CCDC141: variants seen among roughly 807,000 people sequenced by gnomAD.
CCDC141 encodes coiled-coil domain-containing protein 141.
A neutral mutation model predicts 181.0 loss-of-function variants in CCDC141; 168 were observed. The observed-to-expected ratio is 0.93, with a 90% CI of 0.82 to 1.05. CCDC141 has a LOEUF of 1.05. Ranked by LOEUF, CCDC141 falls within the 50% of genes least tolerant of loss-of-function variation. The pLI, the probability that CCDC141 is intolerant of heterozygous loss-of-function variation, is 0.00. For missense variants in CCDC141, 1,902 were observed against 1,788.5 expected, an observed-to-expected ratio of 1.06 and a Z score of -1.14; for synonymous variants, 666 against 642.3, an observed-to-expected ratio of 1.04 and a Z score of -0.56.
rs1351176158 is a variant in CCDC141, at chr2:178,905,333, A to T, written c.1261T>A (p.Cys421Ser). Residue 421 changes from cysteine to serine, a missense_variant, in exon 8 of 24, where the codon TGC becomes AGC. Coordinates refer to ENST00000443758, the MANE Select transcript of CCDC141 (RefSeq NM_173648.4). ...AAAGAAATCAACTTTACTCACCTGC[A>T]GGAGTCTACTTGGCTGATTAAGGTT... ...GQTLISQVDS[C>S]SSQVSGIHEM... is the part of the protein sequence containing the mutation. 4 of 1,546,612 alleles carry T rather than the reference A, an allele frequency of 2.6e-6. No homozygotes were observed. The Admixed American group carries it at 8.0e-5, about 31-fold the overall frequency.
At chr2:178,829,443 T>C (rs896435695), downstream of CCDC141, among the ~76,000 whole-genome samples, 1 of 152,202 alleles carries the variant, frequency 6.6e-6, no homozygotes, top group African/African-American at 2.4e-5. Context: ...GCACTGATGC[T>C]CAGATGGTTC....
rs191398458 is a variant in CCDC141, at chr2:178,967,686, C to T, written c.527-6203G>A. 2.3e-4 allele frequency among the ~76,000 whole-genome samples: 35 copies of T among 152,206 alleles called. No homozygotes were observed. The East Asian group carries it at 5.0e-3, about 22-fold the overall frequency. Reference sequence around the variant, plus strand: ...ACTACGAAGAAACTGCATCAACTAACGGGCAAAACAACCAGCTAGCATCAT... The same window carrying T: ...ACTACGAAGAAACTGCATCAACTAATGGGCAAAACAACCAGCTAGCATCAT... On this transcript the variant is annotated intron_variant, in intron 4 of 23. Transcript: ENST00000443758.
At chr2:178,859,504 G>C (rs1311769962) in intron 17 of CCDC141, among the ~76,000 whole-genome samples, 4 of 151,996 alleles carry the variant, frequency 2.6e-5, no homozygotes, top group Admixed American at 6.6e-5. Flanking sequence ...CATAAGTGGA[G>C]AAAAACACCC....
intron 6 of CCDC141, among the ~76,000 whole-genome samples, chr2:178,924,492 T>C (rs1688837323): frequency 3.3e-5 from 5 of 152,222 alleles, no homozygotes; most frequent in Admixed American, 6.5e-5. Context: ...TTAAGATTTT[T>C]TTTTTTTACA....
chr2:178,967,246 C>T lies in CCDC141; in HGVS notation c.527-5763G>A, dbSNP rs192967757. Among the ~76,000 whole-genome samples, 19 of 152,200 alleles carry T rather than the reference C, an allele frequency of 1.2e-4. No individual in the cohort carries two copies. In the South Asian group the frequency reaches 2.3e-3, roughly 18 times the overall value. On this transcript the variant is annotated intron_variant, in intron 4 of 23. Coordinates refer to ENST00000443758, the MANE Select transcript of CCDC141 (RefSeq NM_173648.4). ...GGCCAACATTCAAATTCAGGAAATA[C>T]AGAGAACACCACAAAGATATTCCTC...
At chr2:179,009,139 C>A (rs2042193007) in intron 2 of CCDC141, among the ~76,000 whole-genome samples, 1 of 152,206 alleles carries the variant, frequency 6.6e-6, no homozygotes, top group African/African-American at 2.4e-5. Context: ...CTTCCCATCT[C>A]TAATATACCT....
intron 2 of CCDC141, among the ~76,000 whole-genome samples, chr2:178,983,096 C>T (rs1423041473): frequency 6.6e-6 from 1 of 152,184 alleles, no homozygotes; most frequent in African/African-American, 2.4e-5. Context: ...CAGTGGTTCT[C>T]CCAGTACGCA....
intron 8 of CCDC141, among the ~76,000 whole-genome samples, chr2:178,897,010 C>T (rs190181791): frequency 2.6e-5 from 4 of 152,086 alleles, no homozygotes; most frequent in Admixed American, 6.5e-5. Context: ...CTGTGGCACC[C>T]TTACTATTAT....
intron 2 of CCDC141, among the ~76,000 whole-genome samples, chr2:179,014,271 C>T (rs1275765762): frequency 6.6e-6 from 1 of 152,050 alleles, no homozygotes; most frequent in African/African-American, 2.4e-5. Flanking sequence ...AAAACCAACT[C>T]GAGATGGATT....
chr2:179,029,643 A>T (rs1269612704), intron 2 of CCDC141, among the ~76,000 whole-genome samples: 3 of 152,200 alleles, frequency 2.0e-5, no homozygotes, highest in African/African-American at 7.2e-5. Flanking sequence ...AATCATGAAC[A>T]TTCTAGGAAT....
At chr2:178,967,488 C>G (rs1276855682) in intron 4 of CCDC141, among the ~76,000 whole-genome samples, 1 of 152,130 alleles carries the variant, frequency 6.6e-6, no homozygotes, top group Non-Finnish European at 1.5e-5. Context: ...TCCAGTCAAA[C>G]TAAGCTTCAT....
intron 2 of CCDC141, among the ~76,000 whole-genome samples, chr2:179,044,453 T>C (rs74489996): frequency 0.011 from 1,655 of 152,220 alleles, 19 homozygotes; most frequent in Middle Eastern, 0.061. Context: ...TGGATTTAGG[T>C]ATGCAAATTT....
chr2:179,047,426 A>T lies in CCDC141; in HGVS notation c.103-20T>A, dbSNP rs533266410. On this transcript the variant is annotated intron_variant, in intron 1 of 23. Transcript: ENST00000443758. The stretch of plus-strand genomic sequence containing the variant: ...GCCACACTAAAAATAAAAATTAAAT[A>T]AAATGCACTTTTAGTTCCTCTTGTT... 5 of 1,488,782 alleles carry T rather than the reference A, an allele frequency of 3.4e-6. No individual in the cohort carries two copies. The African/African-American group carries it at 4.3e-5, about 13-fold the overall frequency. The allele number at this position is 1,488,782 out of a possible 1,614,324, so 92.2% of individuals were successfully genotyped here.
At chr2:179,033,913 C>T (rs1331306160) in intron 2 of CCDC141, among the ~76,000 whole-genome samples, 1 of 152,112 alleles carries the variant, frequency 6.6e-6, no homozygotes, top group Non-Finnish European at 1.5e-5. Flanking sequence ...ATCTATGTCA[C>T]AAGTAAGAAG....
At position 178,833,339 on chromosome 2, in the gene CCDC141, C is replaced by T. The variant is rs1684339517; in HGVS notation, c.*834G>A. ...AATTGCCCAAGAGGTAGATGATGAA[C>T]TCATTTTCCAGACAGGAAACTGAGG... On this transcript the variant is annotated 3_prime_UTR_variant, in exon 24 of 24. Coordinates refer to ENST00000443758, the MANE Select transcript of CCDC141 (RefSeq NM_173648.4). 1 of 152,156 alleles carries T rather than the reference C, an allele frequency of 6.6e-6. No homozygotes were observed. The highest frequency in any genetic ancestry group is 2.4e-5 in the African/African-American group (1 of 41,432). The allele number at this position is 152,156 out of a possible 1,614,324, so 9.4% of individuals were successfully genotyped here.
intron 5 of CCDC141, among the ~76,000 whole-genome samples, chr2:178,949,663 G>A (rs907373282): frequency 2.0e-5 from 3 of 152,160 alleles, no homozygotes; most frequent in Admixed American, 6.6e-5. Flanking sequence ...CAGGGGCTCC[G>A]TGAAAATAGT....
rs140627077 is a variant in CCDC141 at position 178,921,519 on chromosome 2, A to C, written c.898-2612T>G. On this transcript the variant is annotated intron_variant, in intron 6 of 23. Coordinates refer to ENST00000443758, the MANE Select transcript of CCDC141 (RefSeq NM_173648.4). Reference sequence around the variant, plus strand: ...GTATTGAACAGTCTTATGAGATGAAACAAAGTAAAACAGGTTTTTTTTTGT... The same window carrying C: ...GTATTGAACAGTCTTATGAGATGAACCAAAGTAAAACAGGTTTTTTTTTGT... Among the ~76,000 whole-genome samples, 390 of 152,284 alleles carry C rather than the reference A, an allele frequency of 2.6e-3. 1 individual carries two copies. The highest frequency in any genetic ancestry group is 7.4e-3 in the African/African-American group (309 of 41,568).
At position 178,993,041 on chromosome 2, in the gene CCDC141, C is replaced by T. The variant is rs181763722; in HGVS notation, c.226-14366G>A. Among the ~76,000 whole-genome samples, 818 of 152,188 alleles carry T rather than the reference C, an allele frequency of 5.4e-3. 2 individuals are homozygous for T. The highest frequency in any genetic ancestry group is 8.6e-3 in the Non-Finnish European group (584 of 68,016). On this transcript the variant is annotated intron_variant, in intron 2 of 23. Coordinates refer to ENST00000443758, the MANE Select transcript of CCDC141 (RefSeq NM_173648.4). Reference sequence around the variant, plus strand: ...CTTTCCTTTATAAATTAGCCAGTTTCGGGTATGTCTTTATTAGGAGCATGA... The same window carrying T: ...CTTTCCTTTATAAATTAGCCAGTTTTGGGTATGTCTTTATTAGGAGCATGA...
intron 11 of CCDC141, among the ~76,000 whole-genome samples, chr2:178,880,611 T>C (rs961681408): frequency 6.6e-6 from 1 of 152,068 alleles, no homozygotes; most frequent in Non-Finnish European, 1.5e-5. Context: ...GGGAAAGAAT[T>C]GGGGATTAAA....
Sources: gnomAD v4.1 joint callset for allele counts (sites outside exome capture counted in the v4.1 genomes callset) on GRCh38, gnomAD v4.1.1 for gene constraint, MANE v1.5 for transcripts, NCBI Gene and HGNC (gene_info 2026-07-23, HGNC 2026-07-21) for gene names.